Variants in IGF1R observed in about 807,000 individuals in gnomAD.
IGF1R encodes the protein insulin like growth factor 1 receptor.
A neutral mutation model predicts 144.6 loss-of-function variants in IGF1R; 44 were observed. That is an observed-to-expected ratio of 0.30 (90% CI 0.24 to 0.39). The LOEUF (loss-of-function observed/expected upper bound fraction) is 0.39, where lower values mean the gene tolerates loss of function less well. IGF1R is among the 10% of genes least tolerant of loss of function. IGF1R has a pLI of 1.00. For missense variants in IGF1R, 1,355 were observed against 1,833.7 expected (o/e 0.74, Z 4.77); for synonymous variants, 795 against 722.8 (o/e 1.10, Z -1.60).
intron 1 of IGF1R, among the ~76,000 whole-genome samples, chr15:98,663,146 C>T (rs1305662415): frequency 1.3e-5 from 2 of 152,082 alleles, no homozygotes; most frequent in African/African-American, 4.8e-5. Context: ...GTTGGCCCAG[C>T]TGAGGGAGGT....
chr15:98,899,859 G>A (rs186525227), intron 5 of IGF1R, among the ~76,000 whole-genome samples: 1 of 152,194 alleles, frequency 6.6e-6, no homozygotes, highest in Non-Finnish European at 1.5e-5. Context: ...TGCCTCATCA[G>A]TCAAGGGTTG....
At chr15:98,813,508 G>A (rs1036707416) in intron 2 of IGF1R, among the ~76,000 whole-genome samples, 2 of 152,162 alleles carry the variant, frequency 1.3e-5, no homozygotes, top group African/African-American at 4.8e-5. Context: ...TCTCCTCCAT[G>A]TTTTCCTACC....
At chr15:98,783,289 A>T (rs1186053867) in intron 2 of IGF1R, among the ~76,000 whole-genome samples, 2 of 152,182 alleles carry the variant, frequency 1.3e-5, no homozygotes, top group Non-Finnish European at 2.9e-5. Flanking sequence ...ATCACCACAA[A>T]GGTACACCTA....
At chr15:98,805,198 C>T (rs555035215) in intron 2 of IGF1R, among the ~76,000 whole-genome samples, 17 of 152,156 alleles carry the variant, frequency 1.1e-4, no homozygotes, top group African/African-American at 2.2e-4. Flanking sequence ...CATGCAGGTG[C>T]GATTTAATTT....
intron 1 of IGF1R, among the ~76,000 whole-genome samples, chr15:98,674,678 A>G (rs2052987209): frequency 6.6e-6 from 1 of 152,218 alleles, no homozygotes; most frequent in Non-Finnish European, 1.5e-5. Flanking sequence ...ATAGTAATAG[A>G]TGATTATGAG....
intron 15 of IGF1R, among the ~76,000 whole-genome samples, chr15:98,933,291 T>C (rs2016014617): frequency 1.3e-5 from 2 of 152,242 alleles, no homozygotes; most frequent in Non-Finnish European, 2.9e-5. Context: ...CCAACCTTTT[T>C]CCTTTCTTTC....
At chr15:98,836,960 C>G (rs193117716) in intron 2 of IGF1R, among the ~76,000 whole-genome samples, 7 of 152,340 alleles carry the variant, frequency 4.6e-5, no homozygotes, top group African/African-American at 1.7e-4. Context: ...ATCTCTTAGC[C>G]TTGAACACTT....
chr15:98,946,663 C>T (rs564706456), intron 19 of IGF1R, among the ~76,000 whole-genome samples: 41 of 152,240 alleles, frequency 2.7e-4, no homozygotes, highest in Non-Finnish European at 5.3e-4. Flanking sequence ...GCAGGGAAGC[C>T]GGGGGAAGAA....
At chr15:98,892,676 T>G (rs1030925454) in intron 3 of IGF1R, among the ~76,000 whole-genome samples, 1 of 152,218 alleles carries the variant, frequency 6.6e-6, no homozygotes, top group Non-Finnish European at 1.5e-5. Flanking sequence ...ACTATAACTT[T>G]GAAAGCAAAA....
At chr15:98,819,915 C>A (rs2056770520) in intron 2 of IGF1R, among the ~76,000 whole-genome samples, 1 of 152,134 alleles carries the variant, frequency 6.6e-6, no homozygotes, top group South Asian at 2.1e-4. Context: ...GCCAATATCA[C>A]ACAGCTTCTG....
intron 1 of IGF1R, among the ~76,000 whole-genome samples, chr15:98,668,929 C>T (rs889506503): frequency 6.6e-6 from 1 of 152,218 alleles, no homozygotes; most frequent in African/African-American, 2.4e-5. Flanking sequence ...CCCAGCAAAT[C>T]CAGGAGGCTG....
chr15:98,960,717 C>A lies in IGF1R; in HGVS notation c.*3275C>A, dbSNP rs748365770. 2 of 233,284 alleles carry A rather than the reference C, an allele frequency of 8.6e-6. No individual in the cohort carries two copies. The highest frequency in any genetic ancestry group is 2.2e-5 in the African/African-American group (1 of 45,344). 14.5% of individuals were successfully genotyped at this position (233,284 alleles called of 1,614,324 possible). A position where few individuals can be genotyped will look rare whatever the true frequency, so the allele number is the denominator to read the frequency against. On this transcript the variant is annotated 3_prime_UTR_variant, in exon 21 of 21. Transcript: ENST00000650285. Reference sequence around the variant, plus strand: ...GAGAGCAAGAGTCACCCAGCCTGTGCGCCAGAATGCAGAGGCTCCTGACCT... The same window carrying A: ...GAGAGCAAGAGTCACCCAGCCTGTGAGCCAGAATGCAGAGGCTCCTGACCT...
chr15:98,895,448 G>A (rs1326150628), intron 3 of IGF1R, among the ~76,000 whole-genome samples: 1 of 151,974 alleles, frequency 6.6e-6, no homozygotes, highest in African/African-American at 2.4e-5. Flanking sequence ...TATAGGGTAT[G>A]TAGATAAATT....
At chr15:98,848,277 C>G (rs1460329936) in intron 2 of IGF1R, among the ~76,000 whole-genome samples, 1 of 152,178 alleles carries the variant, frequency 6.6e-6, no homozygotes, top group Non-Finnish European at 1.5e-5. Flanking sequence ...TTGTTTTTGA[C>G]TTGTAAAATA....
At chr15:98,956,028 T>G (rs1265581044) in intron 20 of IGF1R, among the ~76,000 whole-genome samples, 1 of 152,224 alleles carries the variant, frequency 6.6e-6, no homozygotes, top group Non-Finnish European at 1.5e-5. Context: ...CAGCCCTGGA[T>G]GGTAGCCAGC....
intron 2 of IGF1R, among the ~76,000 whole-genome samples, chr15:98,799,470 G>C (rs1225551299): frequency 1.3e-5 from 2 of 152,140 alleles, no homozygotes; most frequent in Non-Finnish European, 2.9e-5. Flanking sequence ...GTTAAGACTT[G>C]CTTATTTTGC....
rs772355972 is a variant in IGF1R at position 98,948,602 on chromosome 15, G to A, written c.3616G>A (p.Ala1206Thr). The change falls in exon 20 of 21, where the codon GCC becomes ACC. Residue 1206 changes from alanine (A) to threonine (T), a missense_variant. By Grantham distance (58) the Ala-to-Thr change is moderately conservative. This residue lies in a region of IGF1R where 77 missense variants were observed against 163.2 expected (regional missense o/e 0.47). Transcript: ENST00000650285. ...CTTCGGGGTCGTCCTCTGGGAGATC[G>A]CCACACTGGCCGAGCAGCCCTACCA... is the stretch of plus-strand genomic sequence containing the variant. ...WSFGVVLWEI[A>T]TLAEQPYQGL... 1.1e-5 allele frequency: 17 copies of A among 1,613,890 alleles called. No individual in the cohort carries two copies. Among genetic ancestry groups the A allele is most frequent in the South Asian group, 2.2e-5 (2 of 91,080 alleles).
At chr15:98,828,563 G>C (rs953735038) in intron 2 of IGF1R, among the ~76,000 whole-genome samples, 1 of 152,112 alleles carries the variant, frequency 6.6e-6, no homozygotes, top group Admixed American at 6.6e-5. Flanking sequence ...GTTTTCAGAG[G>C]AGCGCAGACT....
intron 2 of IGF1R, among the ~76,000 whole-genome samples, chr15:98,711,753 C>T (rs565457359): frequency 1.2e-4 from 19 of 152,208 alleles, no homozygotes; most frequent in Admixed American, 9.1e-4. Context: ...TGGCTTTTAA[C>T]GGTGGTCTCC....
Sources: gnomAD v4.1 joint callset for allele counts (sites outside exome capture counted in the v4.1 genomes callset) on GRCh38, gnomAD v4.1.1 for gene constraint, gnomAD v4.1.1 regional missense constraint, MANE v1.5 for transcripts, NCBI Gene and HGNC (gene_info 2026-07-23, HGNC 2026-07-21) for gene names.